KCNAB1: variants seen among roughly 807,000 people sequenced by gnomAD.
The protein encoded by KCNAB1 is voltage-gated potassium channel subunit beta-1.
A neutral mutation model predicts 64.6 loss-of-function variants in KCNAB1; 35 were observed. That is an observed-to-expected ratio of 0.54 (90% CI 0.41 to 0.72). The LOEUF is 0.72. Among genes scored for constraint, KCNAB1 ranks in the 30% least tolerant of loss-of-function variants. The probability of loss-of-function intolerance (pLI) is 0.00; values close to 1 mark genes in which losing one functional copy is unlikely to be tolerated. For missense variants in KCNAB1, 401 were observed against 512.9 expected, an observed-to-expected ratio of 0.78 and a Z score of 2.11; for synonymous variants, 177 against 183.8, an observed-to-expected ratio of 0.96 and a Z score of 0.30.
intron 13 of KCNAB1, among the ~76,000 whole-genome samples, chr3:156,532,745 T>C (rs1718789185): frequency 6.6e-6 from 1 of 152,166 alleles, no homozygotes; most frequent in Non-Finnish European, 1.5e-5. Context: ...TTCTGTGAGG[T>C]TCCCTGTAGC....
chr3:156,331,258 T>A (rs1248865347), intron 1 of KCNAB1, among the ~76,000 whole-genome samples: 1 of 152,184 alleles, frequency 6.6e-6, no homozygotes, highest in Non-Finnish European at 1.5e-5. Flanking sequence ...GTTCTAACAG[T>A]AGGAAACACA....
At chr3:156,330,041 T>A (rs976428643) in intron 1 of KCNAB1, among the ~76,000 whole-genome samples, 1 of 152,128 alleles carries the variant, frequency 6.6e-6, no homozygotes, top group Non-Finnish European at 1.5e-5. Flanking sequence ...TTTCCCGAAA[T>A]AGAATTAAAT....
At chr3:156,285,036 A>T (rs1387876303) in intron 1 of KCNAB1, among the ~76,000 whole-genome samples, 2 of 152,184 alleles carry the variant, frequency 1.3e-5, no homozygotes, top group African/African-American at 4.8e-5. Context: ...TTCTTTTTAT[A>T]TATGTACAAG....
At chr3:156,253,156 G>T (rs1717927565) in intron 1 of KCNAB1, among the ~76,000 whole-genome samples, 1 of 152,208 alleles carries the variant, frequency 6.6e-6, no homozygotes, top group Non-Finnish European at 1.5e-5. Context: ...ATAAAAGGTA[G>T]GTTGCTGCAC....
At chr3:156,518,057 A>G (rs978434554) in intron 11 of KCNAB1, among the ~76,000 whole-genome samples, 3 of 152,218 alleles carry the variant, frequency 2.0e-5, no homozygotes, top group Non-Finnish European at 4.4e-5. Context: ...TGTTTGAGAA[A>G]AGCTTGCAAA....
chr3:156,155,078 G>C (rs1303412188), intron 1 of KCNAB1, among the ~76,000 whole-genome samples: 2 of 152,184 alleles, frequency 1.3e-5, no homozygotes, highest in African/African-American at 4.8e-5. Context: ...GGTTCATGCA[G>C]CCAAATTTAC....
At chr3:156,153,371 C>T (rs1560110081) in intron 1 of KCNAB1, among the ~76,000 whole-genome samples, 1 of 152,100 alleles carries the variant, frequency 6.6e-6, no homozygotes, top group East Asian at 1.9e-4. Flanking sequence ...ATGGCATAGC[C>T]CACTGTATGT....
intron 1 of KCNAB1, among the ~76,000 whole-genome samples, chr3:156,255,687 T>C (rs1560161097): frequency 6.6e-6 from 1 of 152,194 alleles, no homozygotes. Flanking sequence ...AATGGGCTCA[T>C]GTGTCCTCCG....
intron 1 of KCNAB1, among the ~76,000 whole-genome samples, chr3:156,342,291 A>T (rs1389917787): frequency 6.6e-6 from 1 of 152,212 alleles, no homozygotes; most frequent in Non-Finnish European, 1.5e-5. Context: ...TTAGACGTTC[A>T]GTTAGAAAAG....
At chr3:156,176,720 A>G (rs1712397787) in intron 1 of KCNAB1, 1 of 951,428 alleles carries the variant, frequency 1.1e-6, no homozygotes, top group Non-Finnish European at 1.7e-6. Context: ...CTTCATGTCC[A>G]GAGAGCAGCA....
chr3:156,470,253 G>T (rs1713783005), intron 7 of KCNAB1, among the ~76,000 whole-genome samples: 1 of 152,216 alleles, frequency 6.6e-6, no homozygotes, highest in South Asian at 2.1e-4. Flanking sequence ...CACTCATTTA[G>T]AATCACAAAG....
At chr3:156,174,563 T>G (rs1484481643) in intron 1 of KCNAB1, among the ~76,000 whole-genome samples, 1 of 152,216 alleles carries the variant, frequency 6.6e-6, no homozygotes, top group Middle Eastern at 3.2e-3. Context: ...ACACCCTGAC[T>G]GTTCCAGCCT....
intron 1 of KCNAB1, among the ~76,000 whole-genome samples, chr3:156,238,870 T>G (rs560837026): frequency 2.0e-5 from 3 of 152,330 alleles, no homozygotes; most frequent in Admixed American, 6.5e-5. Context: ...GTGAGGTTAT[T>G]ACTGTGAGAA....
intron 1 of KCNAB1, among the ~76,000 whole-genome samples, chr3:156,321,214 A>G (rs894875512): frequency 2.6e-5 from 4 of 152,140 alleles, no homozygotes; most frequent in Non-Finnish European, 5.9e-5. Context: ...TGTGCTGGGC[A>G]TGGTTTTTTG....
Position 156,391,076 on chromosome 3 carries a change from G to A in KCNAB1, c.276-30540G>A, listed in dbSNP as rs1251680988. ...AGCAGGACAGGGATATGCTCCAGGGGAGGGGTATTTAAGATATACAGATAA... is the reference window on the plus strand; with the variant it reads ...AGCAGGACAGGGATATGCTCCAGGGAAGGGGTATTTAAGATATACAGATAA... On this transcript the variant is annotated intron_variant, in intron 1 of 13. Transcript: ENST00000490337. Among the ~76,000 whole-genome samples the A allele has an allele frequency of 2.0e-5, 3 of 152,142 alleles. No homozygotes were observed. The East Asian group carries it at 5.8e-4, about 29-fold the overall frequency.
chr3:156,515,481 CA>C (rs11351525), intron 10 of KCNAB1, among the ~76,000 whole-genome samples: 80,221 of 149,704 alleles, frequency 0.54, 21,931 homozygotes, highest in African/African-American at 0.66. Flanking sequence ...AGCAGGTGTT[CA>C]AAAAAAAAAT....
chr3:156,284,812 A>G (rs951484596), intron 1 of KCNAB1, among the ~76,000 whole-genome samples: 4 of 152,062 alleles, frequency 2.6e-5, no homozygotes, highest in Admixed American at 1.3e-4. Flanking sequence ...GCAATGCCTC[A>G]CCCTGCTTCG....
chr3:156,187,434 C>T (rs141165290), intron 1 of KCNAB1, among the ~76,000 whole-genome samples: 1,959 of 152,314 alleles, frequency 0.013, 39 homozygotes, highest in African/African-American at 0.032. Flanking sequence ...TTCACAGTCA[C>T]TTCTATTCAG....
chr3:156,394,346 GAGTGA>G lies in KCNAB1; in HGVS notation c.276-27266_276-27262del, dbSNP rs201155025. The stretch of plus-strand genomic sequence containing the variant: ...CCATGTTCTAAAAATGGGCCCACAA[GAGTGA>G]AGTCTATTTTCAAAGGTAGGGACCA... On this transcript the variant is annotated intron_variant, in intron 1 of 13. Coordinates refer to ENST00000490337, the MANE Select transcript of KCNAB1 (RefSeq NM_172160.3). Among the ~76,000 whole-genome samples the G allele has an allele frequency of 1.6e-3, 241 of 152,322 alleles. 4 individuals are homozygous for G. The East Asian group carries it at 0.024, about 15-fold the overall frequency.
Sources: allele counts gnomAD v4.1 joint callset (sites outside exome capture counted in the v4.1 genomes callset), GRCh38; gene constraint gnomAD v4.1.1; transcripts MANE v1.5; gene names NCBI Gene and HGNC (gene_info 2026-07-23, HGNC 2026-07-21).